IL1RAPL1: variants seen among roughly 807,000 people sequenced by gnomAD.
IL1RAPL1 encodes the protein interleukin 1 receptor accessory protein like 1.
In IL1RAPL1, 3 loss-of-function variants were observed where a neutral mutation model predicts 48.4. That is an observed-to-expected ratio of 0.06 (90% CI 0.03 to 0.16). IL1RAPL1 has a LOEUF of 0.16. Among genes scored for constraint, IL1RAPL1 ranks in the 10% least tolerant of loss-of-function variants. The probability of loss-of-function intolerance (pLI) is 1.00; values close to 1 mark genes in which losing one functional copy is unlikely to be tolerated. For missense variants in IL1RAPL1, 349 were observed against 530.6 expected, an observed-to-expected ratio of 0.66 and a Z score of 3.36; for synonymous variants, 185 against 187.7, an observed-to-expected ratio of 0.99 and a Z score of 0.12.
chrX:29,483,528 G>C (rs1247639561), intron 5 of IL1RAPL1, among the ~76,000 whole-genome samples: 1 of 111,524 alleles, frequency 9.0e-6, no homozygotes, highest in Admixed American at 9.5e-5. Flanking sequence ...CCACACAGAA[G>C]TTAAAATTAT....
chrX:28,804,400 T>C lies in IL1RAPL1; in HGVS notation c.82+14975T>C, dbSNP rs891801889. Among the ~76,000 whole-genome samples the C allele has an allele frequency of 2.7e-5, 3 of 111,764 alleles. No homozygotes were observed. In the Admixed American group the frequency reaches 2.9e-4, roughly 11 times the overall value. ...TAGCTGTAACAGATCACCACAAATT[T>C]AGTGTCTTAAAACAACACAAATTTA... On this transcript the variant is annotated intron_variant, in intron 2 of 10. Coordinates refer to ENST00000378993, the MANE Select transcript of IL1RAPL1 (RefSeq NM_014271.4).
intron 6 of IL1RAPL1, among the ~76,000 whole-genome samples, chrX:29,762,481 A>G (rs1355313040): frequency 1.8e-5 from 2 of 112,194 alleles, no homozygotes; most frequent in African/African-American, 6.5e-5. Context: ...CAAGAAGCAT[A>G]TTTGAAGAAT....
chrX:29,949,031 C>T (rs1933264766), intron 9 of IL1RAPL1, among the ~76,000 whole-genome samples: 1 of 111,716 alleles, frequency 9.0e-6, no homozygotes, highest in Non-Finnish European at 1.9e-5. Context: ...CTTCAACCTA[C>T]ATTTTCTTAA....
chrX:29,139,069 G>A (rs1372629466), intron 2 of IL1RAPL1, among the ~76,000 whole-genome samples: 1 of 111,595 alleles, frequency 9.0e-6, no homozygotes, highest in African/African-American at 3.3e-5. Context: ...AGGTGAACCT[G>A]GTTGCCCATC....
At position 29,306,074 on chromosome X, in the gene IL1RAPL1, G is replaced by C. The variant is rs951808482; in HGVS notation, c.362+22857G>C. On this transcript the variant is annotated intron_variant, in intron 3 of 10. Coordinates refer to ENST00000378993, the MANE Select transcript of IL1RAPL1 (RefSeq NM_014271.4). ...GGTGATGGGAAACCCAGAGGCAATA[G>C]AATCCATATACTTTTGATGGTGGGT... is the stretch of plus-strand genomic sequence containing the variant. Among the ~76,000 whole-genome samples the C allele has an allele frequency of 4.5e-5, 5 of 111,476 alleles. No individual in the cohort carries two copies. In the South Asian group the frequency reaches 1.9e-3, roughly 42 times the overall value.
intron 2 of IL1RAPL1, among the ~76,000 whole-genome samples, chrX:28,806,868 G>T (rs922898660): frequency 9.0e-6 from 1 of 110,920 alleles, no homozygotes; most frequent in African/African-American, 3.3e-5. Flanking sequence ...TTGAGGAGAG[G>T]TTATTACCTT....
intron 5 of IL1RAPL1, among the ~76,000 whole-genome samples, chrX:29,415,320 C>T (rs950421824): frequency 9.0e-6 from 1 of 111,437 alleles, no homozygotes; most frequent in African/African-American, 3.3e-5. Context: ...TGTGATGATG[C>T]CTATATCTAC....
At chrX:29,663,282 T>G (rs1925900259) in intron 5 of IL1RAPL1, among the ~76,000 whole-genome samples, 1 of 112,271 alleles carries the variant, frequency 8.9e-6, no homozygotes, top group Non-Finnish European at 1.9e-5. Flanking sequence ...ATGGAGTGAG[T>G]CAGTGCAATT....
intron 3 of IL1RAPL1, among the ~76,000 whole-genome samples, chrX:29,316,322 C>T (rs1378208063): frequency 9.0e-6 from 1 of 111,664 alleles, no homozygotes; most frequent in African/African-American, 3.3e-5. Flanking sequence ...CAAAAGTGGC[C>T]GATTTTGAAG....
intron 9 of IL1RAPL1, among the ~76,000 whole-genome samples, chrX:29,949,861 G>T (rs1041973698): frequency 2.7e-5 from 3 of 111,826 alleles, no homozygotes; most frequent in Admixed American, 9.5e-5. Flanking sequence ...ATTGAAAAAG[G>T]GAAGACACCT....
chrX:29,472,214 T>C (rs1290783678), intron 5 of IL1RAPL1, among the ~76,000 whole-genome samples: 2 of 111,941 alleles, frequency 1.8e-5, no homozygotes, highest in African/African-American at 6.5e-5. Context: ...CACTGTAGTG[T>C]AGACCATGTC....
At chrX:29,657,283 G>A (rs887673950) in intron 5 of IL1RAPL1, among the ~76,000 whole-genome samples, 1 of 111,663 alleles carries the variant, frequency 9.0e-6, no homozygotes, top group African/African-American at 3.3e-5. Flanking sequence ...GATAATTCTT[G>A]CGTTTGTCTT....
intron 2 of IL1RAPL1, among the ~76,000 whole-genome samples, chrX:28,840,030 T>C (rs1397433074): frequency 2.7e-5 from 3 of 111,013 alleles, no homozygotes; most frequent in Non-Finnish European, 3.8e-5. Context: ...TAGTTGCGTC[T>C]CTTAGAGTGT....
intron 5 of IL1RAPL1, among the ~76,000 whole-genome samples, chrX:29,402,784 C>CAT (rs1934010053): frequency 1.4e-5 from 1 of 71,951 alleles, no homozygotes; most frequent in African/African-American, 5.2e-5. Context: ...GACTGTTTTA[C>CAT]ATTTTTTTTT....
chrX:28,692,225 A>G (rs1359052991), intron 1 of IL1RAPL1, among the ~76,000 whole-genome samples: 1 of 111,513 alleles, frequency 9.0e-6, no homozygotes, highest in East Asian at 2.8e-4. Flanking sequence ...GACGGAAACA[A>G]ACACCTCCCA....
chrX:28,981,589 C>T (rs1481679242), intron 2 of IL1RAPL1, among the ~76,000 whole-genome samples: 1 of 112,097 alleles, frequency 8.9e-6, no homozygotes, highest in African/African-American at 3.2e-5. Flanking sequence ...CTGTGCCTCT[C>T]TTACACTTCT....
At chrX:29,807,621 CAAAAAAAAA>C (rs60391165) in intron 6 of IL1RAPL1, among the ~76,000 whole-genome samples, 354 of 25,967 alleles carry the variant, frequency 0.014, 2 homozygotes, top group African/African-American at 0.022. Context: ...TCTCTCAAGA[CAAAAAAAAA>C]AAAAAAAAAA....
intron 2 of IL1RAPL1, among the ~76,000 whole-genome samples, chrX:29,088,628 A>G (rs1345703580): frequency 1.0e-5 from 1 of 99,388 alleles, no homozygotes; most frequent in Non-Finnish European, 2.0e-5. Flanking sequence ...GTGAGCCGAC[A>G]TGCGCCATTG....
At chrX:29,340,394 A>C (rs1374160186) in intron 3 of IL1RAPL1, among the ~76,000 whole-genome samples, 2 of 111,665 alleles carry the variant, frequency 1.8e-5, no homozygotes, top group Non-Finnish European at 3.8e-5. Context: ...CTGTTTCTAC[A>C]GATTTACCTA....
Sources: gnomAD v4.1 joint callset for allele counts (sites outside exome capture counted in the v4.1 genomes callset) on GRCh38, gnomAD v4.1.1 for gene constraint, MANE v1.5 for transcripts, NCBI Gene and HGNC (gene_info 2026-07-23, HGNC 2026-07-21) for gene names.